SPG11: variants seen among roughly 807,000 people sequenced by gnomAD.
SPG11 encodes SPG11 vesicle trafficking associated, spatacsin.
In SPG11, 222 loss-of-function variants were observed where a neutral mutation model predicts 274.0. The observed-to-expected ratio is 0.81, with a 90% CI of 0.73 to 0.91. The LOEUF (loss-of-function observed/expected upper bound fraction) is 0.91. SPG11 is among the 40% of genes least tolerant of loss of function. The pLI is 0.00. For missense variants in SPG11, 3,114 were observed against 2,872.7 expected, an observed-to-expected ratio of 1.08 and a Z score of -1.92; for synonymous variants, 1,144 against 1,039.7, an observed-to-expected ratio of 1.10 and a Z score of -1.93.
intron 33 of SPG11, chr15:44,572,428 G>A (rs1412950083): frequency 8.5e-6 from 4 of 472,700 alleles, no homozygotes; most frequent in African/African-American, 5.9e-5. Flanking sequence ...CTCTTTGCAG[G>A]GCAATATAAG....
At chr15:44,657,407 CAGA>C (rs1263104643) in intron 3 of SPG11, 111 bp from the exon 4 acceptor site, 34 of 964,598 alleles carry the variant, frequency 3.5e-5, no homozygotes, top group Admixed American at 1.1e-4. Context: ...GTAGGTATAA[CAGA>C]AGAAGACTGA....
intron 7 of SPG11, among the ~76,000 whole-genome samples, chr15:44,647,731 A>G (rs2084647644): frequency 6.6e-6 from 1 of 152,224 alleles, no homozygotes. Flanking sequence ...CAGAAAGTAG[A>G]TTGGTGTTTA....
chr15:44,563,505 T>G (rs973953949), intron 39 of SPG11, among the ~76,000 whole-genome samples: 4 of 152,088 alleles, frequency 2.6e-5, no homozygotes, highest in Non-Finnish European at 2.9e-5. Flanking sequence ...CCCTGGCTAA[T>G]TTTTCTAATT....
Position 44,589,322 on chromosome 15 carries a change from C to T in SPG11, c.4836G>A (p.Gln1612=). The change falls in exon 28 of 40, where the codon CAG becomes CAA. Residue 1612 remains glutamine (Q), a synonymous_variant. Transcript: ENST00000261866. ...VCFLLKLMLQ[Q]CKTQYELGKL... Reference sequence around the variant, plus strand: ...TCCCCAGCTCATACTGGGTCTTACACTGCTGTAGCATAAGCTTCAAAAGGA... The same window carrying T: ...TCCCCAGCTCATACTGGGTCTTACATTGCTGTAGCATAAGCTTCAAAAGGA... 1 of 1,614,190 alleles carries T rather than the reference C, an allele frequency of 6.2e-7. No individual in the cohort carries two copies. Among genetic ancestry groups the T allele is most frequent in the Non-Finnish European group, 8.5e-7 (1 of 1,180,010 alleles).
chr15:44,617,734 G>C (rs548579141), intron 15 of SPG11, among the ~76,000 whole-genome samples: 1 of 152,160 alleles, frequency 6.6e-6, no homozygotes, highest in East Asian at 1.9e-4. Context: ...GGAGTTCAGT[G>C]GCTTGATCTT....
intron 15 of SPG11, among the ~76,000 whole-genome samples, chr15:44,619,780 T>C (rs1336648104): frequency 6.6e-6 from 1 of 150,600 alleles, no homozygotes; most frequent in Non-Finnish European, 1.5e-5. Flanking sequence ...TGGAGTGCAA[T>C]GGCGCAATCT....
In SPG11 at chr15:44,610,997, A is replaced by G; in HGVS notation, c.3146-12T>C. The G allele has an allele frequency of 6.2e-7, 1 of 1,611,274 alleles. No individual in the cohort carries two copies. ...GATCAGTTTGGGATCTGGAAAATAA[A>G]AGACAGTGTTTTTCTCCTTAAGAGG... On this transcript the variant is annotated splice_polypyrimidine_tract_variant and intron_variant, in intron 17 of 39. Transcript: ENST00000261866.
chr15:44,564,210 C>G (rs1360341974), intron 39 of SPG11, among the ~76,000 whole-genome samples: 1 of 151,998 alleles, frequency 6.6e-6, no homozygotes, highest in Admixed American at 6.6e-5. Context: ...CAAGGCTGGT[C>G]TCAAACTCCT....
chr15:44,648,955 G>A lies in SPG11; in HGVS notation c.1513C>T (p.Leu505Phe), dbSNP rs752258108. Residue 505 changes from leucine (L) to phenylalanine (F), a missense_variant, in exon 7 of 40, where the codon CTC becomes TTC. Coordinates refer to ENST00000261866, the MANE Select transcript of SPG11 (RefSeq NM_025137.4). ...GTGCTGGCACTTCCATGGATCATGAGTCTGTTTAAAAACTCTTCTTGAGTC... is the reference window on the plus strand; with the variant it reads ...GTGCTGGCACTTCCATGGATCATGAATCTGTTTAAAAACTCTTCTTGAGTC... ...GLTQEEFLNRLMIHGSASTVD... is the reference protein window; with the variant it reads ...GLTQEEFLNRFMIHGSASTVD... The A allele has an allele frequency of 7.4e-6, 12 of 1,613,940 alleles. No individual in the cohort carries two copies. Among genetic ancestry groups the A allele is most frequent in the Non-Finnish European group, 1.0e-5 (12 of 1,179,842 alleles).
chr15:44,588,630 C>A (rs934037431), intron 28 of SPG11: 2 of 437,854 alleles, frequency 4.6e-6, no homozygotes, highest in Non-Finnish European at 9.2e-6. Flanking sequence ...GCAGCCTAAT[C>A]CTCTTTACCT....
rs772297517 is a variant in SPG11 at position 44,598,378 on chromosome 15, A to G, written c.3893-5T>C. On this transcript the variant is annotated splice_region_variant and splice_polypyrimidine_tract_variant and intron_variant, in intron 22 of 39. Transcript: ENST00000261866. Reference sequence around the variant, plus strand: ...CTAGTTTAGATAGTTTTTCGGCTGTAAGAAATATAAACAACAAAATATGGT... The same window carrying G: ...CTAGTTTAGATAGTTTTTCGGCTGTGAGAAATATAAACAACAAAATATGGT... The G allele has an allele frequency of 9.3e-5, 149 of 1,610,644 alleles. No individual in the cohort carries two copies. Among genetic ancestry groups the G allele is most frequent in the Non-Finnish European group, 1.2e-4 (147 of 1,176,988 alleles).
chr15:44,585,981 CT>C, intron 28 of SPG11, 131 bp from the exon 29 acceptor site: 3 of 528,184 alleles, frequency 5.7e-6, no homozygotes, highest in Non-Finnish European at 3.1e-6. Context: ...AAATAAAAAG[CT>C]GTTTTTTTTT....
At chr15:44,615,617 T>C (rs1271599517) in intron 15 of SPG11, 51 bp from the exon 16 acceptor site, 3 of 1,529,178 alleles carry the variant, frequency 2.0e-6, no homozygotes, top group South Asian at 1.1e-5. Context: ...ATGTTCAGAG[T>C]AGACCAAATC....
At position 44,568,988 on chromosome 15, in the gene SPG11, A is replaced by G. The variant is rs182170435; in HGVS notation, c.6585+410T>C. Among the ~76,000 whole-genome samples, 6 of 152,008 alleles carry G rather than the reference A, an allele frequency of 3.9e-5. No individual in the cohort carries two copies. In the East Asian group the frequency reaches 1.2e-3, roughly 29 times the overall value. On this transcript the variant is annotated intron_variant, in intron 35 of 39. Transcript: ENST00000261866. ...GGAGTTCAAGACTAGCCTGACCAAC[A>G]TGGATAAACCCCATCTCTACTAAAA...
chr15:44,620,793 G>C, intron 14 of SPG11: 1 of 170,488 alleles, frequency 5.9e-6, no homozygotes, highest in South Asian at 1.4e-4. Flanking sequence ...CTGCCTCCCA[G>C]GTTCAAGCGA....
intron 18 of SPG11, among the ~76,000 whole-genome samples, chr15:44,609,105 GAA>G (rs2083393480): frequency 6.6e-6 from 1 of 152,070 alleles, no homozygotes; most frequent in African/African-American, 2.4e-5. Context: ...GCACCATTAA[GAA>G]ACTTTTGAAG....
intron 15 of SPG11, among the ~76,000 whole-genome samples, chr15:44,616,554 G>A (rs1455519951): frequency 6.6e-6 from 1 of 152,048 alleles, no homozygotes; most frequent in East Asian, 1.9e-4. Flanking sequence ...ATAATTTAAG[G>A]TTTTACCTAT....
intron 28 of SPG11, among the ~76,000 whole-genome samples, chr15:44,587,294 C>T (rs556165231): frequency 2.0e-5 from 3 of 152,294 alleles, no homozygotes; most frequent in South Asian, 2.1e-4. Flanking sequence ...AAACATTCCA[C>T]AGGAGGTTAT....
rs1459986980 is a variant in SPG11 at position 44,633,485 on chromosome 15, G to A, written c.1735+20C>T. The stretch of plus-strand genomic sequence containing the variant: ...AGATCAAATGATAAATACAAATGTA[G>A]AAATCTTTATTCCACTTACTTCTTA... On this transcript the variant is annotated intron_variant, in intron 8 of 39. Transcript: ENST00000261866. 6.4e-7 allele frequency: 1 copy of A among 1,557,708 alleles called. No homozygotes were observed. Among genetic ancestry groups the A allele is most frequent in the Admixed American group, 1.7e-5 (1 of 57,924 alleles).
Sources: gnomAD v4.1 joint callset for allele counts (sites outside exome capture counted in the v4.1 genomes callset) on GRCh38, gnomAD v4.1.1 for gene constraint, MANE v1.5 for transcripts, NCBI Gene and HGNC (gene_info 2026-07-23, HGNC 2026-07-21) for gene names.